Variants in IFI35 observed in about 807,000 individuals in gnomAD.
IFI35 encodes interferon induced protein 35, also known as interferon-induced 35 kDa protein.
A neutral mutation model predicts 28.6 loss-of-function variants in IFI35; 30 were observed. The observed-to-expected ratio is 1.05, with a 90% CI of 0.79 to 1.43. The LOEUF (loss-of-function observed/expected upper bound fraction) is 1.43. Ranked by LOEUF, IFI35 falls within the 40% of genes most tolerant of loss-of-function variation. The pLI is 0.00. For missense variants in IFI35, 372 were observed against 356.9 expected (o/e 1.04, Z -0.34); for synonymous variants, 146 against 154.8 (o/e 0.94, Z 0.42).
Position 43,009,385 on chromosome 17 carries a change from G to A in IFI35, c.21+2417G>A, listed in dbSNP as rs1470219750. Among the ~76,000 whole-genome samples, 8 of 152,236 alleles carry A rather than the reference G, an allele frequency of 5.3e-5. No individual in the cohort carries two copies. In the East Asian group the frequency reaches 9.7e-4, roughly 18 times the overall value. On this transcript the variant is annotated intron_variant, in intron 1 of 6. Coordinates refer to ENST00000415816, the MANE Select transcript of IFI35 (RefSeq NM_001330230.2). ...TGTAATCCCAGCACTTTGTGAGGCT[G>A]AGTTGGGCAGATCACTTCAGGTGGG...
Position 43,006,954 on chromosome 17 carries a change from G to A in IFI35, c.7G>A (p.Ala3Thr), listed in dbSNP as rs1394033786. Residue 3 changes from alanine (A) to threonine (T), a missense_variant, in exon 1 of 7, where the codon GCC becomes ACC. Physicochemically the swap from Ala to Thr is moderately conservative, Grantham distance 58 (BLOSUM62 0). Coordinates refer to ENST00000415816, the MANE Select transcript of IFI35 (RefSeq NM_001330230.2). ...CCAAACAGACCCGAGACCCATGTCA[G>A]CCCCACTGGATGCCGTAAGTGAGGA... MS[A>T]PLDAALHALQ... 6.2e-7 allele frequency: 1 copy of A among 1,614,084 alleles called. No homozygotes were observed. Among genetic ancestry groups the A allele is most frequent in the South Asian group, 1.1e-5 (1 of 91,084 alleles).
chr17:43,014,034 G>A, intron 6 of IFI35, 74 bp from the exon 7 acceptor site: 2 of 1,469,996 alleles, frequency 1.4e-6, no homozygotes, highest in Non-Finnish European at 1.9e-6. Context: ...ACCCCCATGG[G>A]GCACTGCCTG....
intron 1 of IFI35, among the ~76,000 whole-genome samples, chr17:43,010,051 C>A (rs914042311): frequency 6.6e-6 from 1 of 151,116 alleles, no homozygotes; most frequent in Non-Finnish European, 1.5e-5. Context: ...CTGGCTAACA[C>A]GGTGAAACCC....
chr17:43,009,777 A>G (rs2050440924), intron 1 of IFI35, among the ~76,000 whole-genome samples: 1 of 151,670 alleles, frequency 6.6e-6, no homozygotes, highest in South Asian at 2.1e-4. Flanking sequence ...ATAAAAAATA[A>G]AAAAAATTAG....
intron 1 of IFI35, among the ~76,000 whole-genome samples, chr17:43,009,339 C>T (rs917918731): frequency 1.3e-5 from 2 of 152,000 alleles, no homozygotes; most frequent in African/African-American, 4.8e-5. Flanking sequence ...GATTAGGGGG[C>T]CTGGGTCCGT....
In IFI35 at chr17:43,014,050, C is replaced by T. The variant is rs546564363; in HGVS notation, c.670-58C>T. 2.2e-4 allele frequency: 338 copies of T among 1,540,040 alleles called. 2 individuals carry two copies. The highest frequency in any genetic ancestry group is 2.8e-4 in the Non-Finnish European group (312 of 1,121,750). On this transcript the variant is annotated intron_variant, in intron 6 of 6. Transcript: ENST00000415816. Reference sequence around the variant, plus strand: ...CCCCCATGGGGCACTGCCTGCCCTACCCCCAGCCCCCAGCCCTTCTCCCAT... The same window carrying T: ...CCCCCATGGGGCACTGCCTGCCCTATCCCCAGCCCCCAGCCCTTCTCCCAT...
Position 43,007,847 on chromosome 17 carries a change from T to TTATATATATATATATATATATATA in IFI35, c.21+882_21+905dup, listed in dbSNP as rs68028192. 5.0e-3 allele frequency among the ~76,000 whole-genome samples: 592 copies of TTATATATATATATATATATATATA among 118,854 alleles called. 14 individuals carry two copies. Among genetic ancestry groups the TTATATATATATATATATATATATA allele is most frequent in the African/African-American group, 0.02 (526 of 25,828 alleles). 78.0% of individuals were successfully genotyped at this position (118,854 alleles called of 152,430 possible). ...TCTCACACACACACACACACAAAAT[T>TTATATATATATATATATATATATA]TATATATATATATATATATATATAT... On this transcript the variant is annotated intron_variant, in intron 1 of 6. Coordinates refer to ENST00000415816, the MANE Select transcript of IFI35 (RefSeq NM_001330230.2).
intron 2 of IFI35, 166 bp downstream of exon 2, chr17:43,012,443 A>G: frequency 2.1e-6 from 1 of 481,446 alleles, no homozygotes; most frequent in East Asian, 3.8e-5. Flanking sequence ...CATCTCTACT[A>G]AAAATACAAA....
In IFI35 at chr17:43,013,762, C is replaced by T. The variant is rs1461834742; in HGVS notation, c.563-14C>T. 11 of 1,612,866 alleles carry T rather than the reference C, an allele frequency of 6.8e-6. No homozygotes were observed. The African/African-American group carries it at 1.3e-4, about 20-fold the overall frequency. ...GCTTGATGCTAAAGGCCCACCCCTC[C>T]TTGCTCCCCACAGTGGCTCAGCGTC... On this transcript the variant is annotated splice_polypyrimidine_tract_variant and intron_variant, in intron 5 of 6. Coordinates refer to ENST00000415816, the MANE Select transcript of IFI35 (RefSeq NM_001330230.2).
chr17:43,007,850 TA>T (rs1567741701), intron 1 of IFI35, among the ~76,000 whole-genome samples: 50 of 35,956 alleles, frequency 1.4e-3, no homozygotes, highest in South Asian at 2.5e-3. Flanking sequence ...ACAAAATTTA[TA>T]TATATATATA....
chr17:43,011,991 TGAGGCCAGCCAAGCCCTGGGTGGAG>T, intron 1 of IFI35, 163 bp from the exon 2 acceptor site: 1 of 422,094 alleles, frequency 2.4e-6, no homozygotes, highest in Non-Finnish European at 4.3e-6. Flanking sequence ...GCAGCTGAGA[TGAGGCCAGCCAAGCCCTGGGTGGAG>T]GGGGCCAAGA....
In IFI35 at chr17:43,013,199, G is replaced by A. The variant is rs1210396178; in HGVS notation, c.268+5G>A. ...TCACCTTTGATGACCCCAAAGGTAA[G>A]CTCATGGGGAGCCTCAGGAGGGAGG... is the stretch of plus-strand genomic sequence containing the variant. On this transcript the variant is annotated splice_donor_5th_base_variant and intron_variant, in intron 3 of 6. Transcript: ENST00000415816. The A allele has an allele frequency of 8.1e-6, 13 of 1,614,120 alleles. No individual in the cohort carries two copies. Among genetic ancestry groups the A allele is most frequent in the Non-Finnish European group, 1.1e-5 (13 of 1,180,006 alleles).
chr17:43,007,614 T>C (rs2151967583), intron 1 of IFI35, among the ~76,000 whole-genome samples: 1 of 150,814 alleles, frequency 6.6e-6, no homozygotes, highest in East Asian at 1.9e-4. Flanking sequence ...TCACTTGAGG[T>C]TAGGAGTTCG....
Position 43,013,277 on chromosome 17 carries a change from G to T in IFI35, c.279G>T (p.Gln93His). The change falls in exon 4 of 7, where the codon CAG becomes CAT. Residue 93 changes from glutamine to histidine, a missense_variant. Gln to His is a conservative substitution (Grantham distance 24, BLOSUM62 0). Coordinates refer to ENST00000415816, the MANE Select transcript of IFI35 (RefSeq NM_001330230.2). ...TTTCCCACCACCCAGTGGCTGAGCAGGTGCTGCAACAAAAGGAGCACACGA... is the reference window on the plus strand; with the variant it reads ...TTTCCCACCACCCAGTGGCTGAGCATGTGCTGCAACAAAAGGAGCACACGA... The part of the protein sequence containing the change: ...ITFDDPKVAE[Q>H]VLQQKEHTIN... The T allele has an allele frequency of 1.9e-6, 3 of 1,614,178 alleles. No individual in the cohort carries two copies. The highest frequency in any genetic ancestry group is 2.5e-6 in the Non-Finnish European group (3 of 1,180,024).
chr17:43,008,348 T>C, intron 1 of IFI35, among the ~76,000 whole-genome samples: 1 of 136,194 alleles, frequency 7.3e-6, no homozygotes, highest in East Asian at 2.1e-4. Flanking sequence ...CTTTCCTTTT[T>C]TTTTTTTTTT....
chr17:43,013,842 G>C lies in IFI35; in HGVS notation c.629G>C (p.Arg210Thr), dbSNP rs550567872. 1.3e-4 allele frequency: 208 copies of C among 1,610,478 alleles called. 3 individuals carry two copies. In the South Asian group the frequency reaches 2.1e-3, roughly 16 times the overall value. ...VPLGGQQVPL[R>T]VSPYVNGEIQ... ...CTGGGTGGGCAGCAAGTCCCTCTGA[G>C]AGTCTCTCCGTATGTGAACGGGGAG... The change falls in exon 6 of 7, where the codon AGA (arginine) becomes ACA (threonine). Residue 210 changes from arginine to threonine, a missense_variant. Physicochemically the swap from Arg to Thr is moderately conservative, Grantham distance 71 (BLOSUM62 -1). Coordinates refer to ENST00000415816, the MANE Select transcript of IFI35 (RefSeq NM_001330230.2).
Position 43,006,979 on chromosome 17 carries a change from A to T in IFI35, c.21+11A>T. The T allele has an allele frequency of 6.2e-7, 1 of 1,613,848 alleles. No individual in the cohort carries two copies. ...GCCCCACTGGATGCCGTAAGTGAGG[A>T]GGAGGGAGTTGGGAAGTGGGGAAAC... On this transcript the variant is annotated intron_variant, in intron 1 of 6. Coordinates refer to ENST00000415816, the MANE Select transcript of IFI35 (RefSeq NM_001330230.2).
chr17:43,009,650 G>A (rs953396689), intron 1 of IFI35, among the ~76,000 whole-genome samples: 34 of 152,274 alleles, frequency 2.2e-4, no homozygotes, highest in African/African-American at 8.2e-4. Context: ...CTACTCGGGA[G>A]GCTGAGGCAG....
At chr17:43,007,092 G>T in intron 1 of IFI35, 124 bp downstream of exon 1, 1 of 1,069,716 alleles carries the variant, frequency 9.3e-7, no homozygotes, top group Non-Finnish European at 1.5e-6. Flanking sequence ...CTGCTGAAGG[G>T]CTGGGGAGAA....
Sources: gnomAD v4.1 joint callset for allele counts (sites outside exome capture counted in the v4.1 genomes callset) on GRCh38, gnomAD v4.1.1 for gene constraint, MANE v1.5 for transcripts, NCBI Gene and HGNC (gene_info 2026-07-23, HGNC 2026-07-21) for gene names.